The following MRC2 variants were observed in gnomAD, a reference collection of about 807,000 sequenced individuals.
The protein encoded by MRC2 is mannose receptor C-type 2.
Under a neutral mutation model 206.2 loss-of-function variants are expected in MRC2, and 84 were observed. The observed-to-expected ratio is 0.41, with a 90% confidence interval of 0.34 to 0.49. The LOEUF is 0.49. Ranked by LOEUF, MRC2 falls within the 20% of genes least tolerant of loss-of-function variation. The pLI, the probability that MRC2 is intolerant of heterozygous loss-of-function variation, is 0.31. For synonymous variants in MRC2, 798 were observed against 800.0 expected, an observed-to-expected ratio of 1.00 and a Z score of 0.04; for missense variants, 1,676 against 2,001.5, an observed-to-expected ratio of 0.84 and a Z score of 3.10.
At chr17:62,677,532 G>T (rs1268473242) in intron 12 of MRC2, 46 bp downstream of exon 12, 1 of 1,503,380 alleles carries the variant, frequency 6.7e-7, no homozygotes, top group South Asian at 1.3e-5. Context: ...GAGGACAGGA[G>T]CAAAGAGACA....
At chr17:62,674,649 C>T (rs1184025656) in intron 9 of MRC2, among the ~76,000 whole-genome samples, 1 of 152,096 alleles carries the variant, frequency 6.6e-6, no homozygotes, top group Admixed American at 6.5e-5. Flanking sequence ...CACCTTCCCC[C>T]TCCTTGTGTT....
chr17:62,635,147 A>T (rs766202994), intron 1 of MRC2, among the ~76,000 whole-genome samples: 12 of 148,480 alleles, frequency 8.1e-5, no homozygotes, highest in Middle Eastern at 3.5e-3. Context: ...TTTTTTTTTT[A>T]AATTGAAGCA....
chr17:62,666,403 C>T lies in MRC2; in HGVS notation c.695-52C>T. 2 of 1,611,210 alleles carry T rather than the reference C, an allele frequency of 1.2e-6. No individual in the cohort carries two copies. Among genetic ancestry groups the T allele is most frequent in the South Asian group, 1.1e-5 (1 of 90,752 alleles). ...GCCTTTTGGTGGGGGAGGGTCTGCACTCCCGAGGGACCCTGGAGGGGGCCT... is the reference window on the plus strand; with the variant it reads ...GCCTTTTGGTGGGGGAGGGTCTGCATTCCCGAGGGACCCTGGAGGGGGCCT... On this transcript the variant is annotated intron_variant, in intron 3 of 29. Transcript: ENST00000303375. This position sits in a 1 kb window ranked among gnomAD's most constrained non-coding sequence, Gnocchi z 5.0.
intron 6 of MRC2, among the ~76,000 whole-genome samples, chr17:62,669,268 G>A (rs1045069599): frequency 1.3e-5 from 2 of 152,188 alleles, no homozygotes; most frequent in African/African-American, 2.4e-5. Flanking sequence ...AGGCTGGAGT[G>A]TAGTGGTGCG....
intron 1 of MRC2, among the ~76,000 whole-genome samples, chr17:62,637,737 TACCCTCA>T (rs2088342609): frequency 6.6e-6 from 1 of 152,080 alleles, no homozygotes; most frequent in Admixed American, 6.6e-5. Flanking sequence ...ACCTTCTGAT[TACCCTCA>T]GCTGGAAGAA....
rs1424812493 is a variant in MRC2, at chr17:62,680,438, G to A, written c.2458G>A (p.Asp820Asn). Reference sequence around the variant, plus strand: ...CCTAGGTACGGACGTGCGGGAGCCCGACGACAGCCCTCAAGGTGAGCACCC... The same window carrying A: ...CCTAGGTACGGACGTGCGGGAGCCCAACGACAGCCCTCAAGGTGAGCACCC... ...IPRGTDVREP[D>N]DSPQGRREWL... Residue 820 changes from aspartate to asparagine, a missense_variant, in exon 16 of 30, where the codon GAC becomes AAC. Asp to Asn is a conservative substitution (Grantham distance 23, BLOSUM62 1). This residue lies in a region of MRC2 where 1,354 missense variants were observed against 1,636.6 expected (regional missense o/e 0.83). Coordinates refer to ENST00000303375, the MANE Select transcript of MRC2 (RefSeq NM_006039.5). The surrounding 1 kb of genome is among the most constrained non-coding windows in gnomAD (Gnocchi z 4.8). 8.1e-6 allele frequency: 13 copies of A among 1,614,062 alleles called. No homozygotes were observed. Among genetic ancestry groups the A allele is most frequent in the Non-Finnish European group, 1.0e-5 (12 of 1,180,012 alleles).
At chr17:62,646,581 C>T (rs1354887853) in intron 1 of MRC2, among the ~76,000 whole-genome samples, 3 of 152,226 alleles carry the variant, frequency 2.0e-5, no homozygotes, top group Admixed American at 1.3e-4. Flanking sequence ...TGACCTACGT[C>T]AACTTCATGC....
chr17:62,690,047 T>G lies in MRC2; in HGVS notation c.3727T>G (p.Cys1243Gly), dbSNP rs1194378175. 1 of 1,604,462 alleles carries G rather than the reference T, an allele frequency of 6.2e-7. No individual in the cohort carries two copies. Among genetic ancestry groups the G allele is most frequent in the Non-Finnish European group, 8.5e-7 (1 of 1,175,536 alleles). The change falls in exon 25 of 30, where the codon TGT becomes GGT. Residue 1243 changes from cysteine (C) to glycine (G), a missense_variant. Physicochemically the swap from Cys to Gly is radical, Grantham distance 159. Around this residue, in one of 3 missense-constraint regions of MRC2, gnomAD observed 1,354 missense variants for 1,636.6 expected, o/e 0.83. Coordinates refer to ENST00000303375, the MANE Select transcript of MRC2 (RefSeq NM_006039.5). ...SCDTKLQGAVCGVSSGPPPPR... is the reference protein window; with the variant it reads ...SCDTKLQGAVGGVSSGPPPPR... ...TGACACCAAGCTGCAGGGGGCTGTGTGTGGGGTTAGCAGTGGTGAGTGCCC... is the reference window on the plus strand; with the variant it reads ...TGACACCAAGCTGCAGGGGGCTGTGGGTGGGGTTAGCAGTGGTGAGTGCCC...
intron 13 of MRC2, 26 bp from the exon 14 acceptor site, chr17:62,679,774 G>A (rs2147481012): frequency 1.2e-6 from 2 of 1,609,100 alleles, no homozygotes; most frequent in East Asian, 2.2e-5. Flanking sequence ...CATCTCTTCC[G>A]TCCCCACTCC....
At position 62,666,842 on chromosome 17, in the gene MRC2, G is replaced by T; in HGVS notation, c.945G>T (p.Ser315=). The T allele has an allele frequency of 6.2e-7, 1 of 1,613,750 alleles. No individual in the cohort carries two copies. Among genetic ancestry groups the T allele is most frequent in the Non-Finnish European group, 8.5e-7 (1 of 1,179,932 alleles). The part of the protein sequence containing the change: ...TSGGWQWSDN[S]PLKYLNWESD... ...GAGGCTGGCAGTGGTCGGACAACTC[G>T]CCCCTCAAGTACCTCAACTGGGAGA... The change falls in exon 5 of 30, where the codon TCG becomes TCT. Residue 315 remains serine (S), a synonymous_variant. Coordinates refer to ENST00000303375, the MANE Select transcript of MRC2 (RefSeq NM_006039.5). The surrounding 1 kb of genome is among the most constrained non-coding windows in gnomAD (Gnocchi z 5.0).
rs142364747 is a variant in MRC2 at position 62,636,076 on chromosome 17, C to T, written c.118+8156C>T. Among the ~76,000 whole-genome samples the T allele has an allele frequency of 5.2e-3, 793 of 151,820 alleles. 7 individuals carry two copies. The highest frequency in any genetic ancestry group is 0.018 in the African/African-American group (758 of 41,406). Reference sequence around the variant, plus strand: ...TGCTAGGATTACAGGCGTGAGCCACCGCGCCCGGCCAATTTTTTTTTTTTT... The same window carrying T: ...TGCTAGGATTACAGGCGTGAGCCACTGCGCCCGGCCAATTTTTTTTTTTTT... On this transcript the variant is annotated intron_variant, in intron 1 of 29. Coordinates refer to ENST00000303375, the MANE Select transcript of MRC2 (RefSeq NM_006039.5).
At chr17:62,633,693 A>ATG (rs1444674891) in intron 1 of MRC2, among the ~76,000 whole-genome samples, 2 of 141,498 alleles carry the variant, frequency 1.4e-5, no homozygotes, top group African/African-American at 5.2e-5. Flanking sequence ...AAAAAAAAAA[A>ATG]AGCTGGGTGT....
intron 1 of MRC2, among the ~76,000 whole-genome samples, chr17:62,630,918 A>G (rs1487573818): frequency 2.6e-5 from 4 of 151,718 alleles, no homozygotes; most frequent in African/African-American, 9.7e-5. Flanking sequence ...CCTTGCTCCA[A>G]CCCTCTGGCT....
chr17:62,667,026 C>CA lies in MRC2; in HGVS notation c.973+157dup, dbSNP rs1312858748. 6.6e-6 allele frequency among the ~76,000 whole-genome samples: 1 copy of CA among 152,116 alleles called. No homozygotes were observed. The highest frequency in any genetic ancestry group is 1.5e-5 in the Non-Finnish European group (1 of 68,000). On this transcript the variant is annotated intron_variant, in intron 5 of 29. Coordinates refer to ENST00000303375, the MANE Select transcript of MRC2 (RefSeq NM_006039.5). This position sits in a 1 kb window ranked among gnomAD's most constrained non-coding sequence, Gnocchi z 4.1. ...CTCCCCAGACTGCGCCCCCCTAGCC[C>CA]ATGTAGGGCGGCGCTGCCCCAGGCC...
rs1344939588 is a variant in MRC2, at chr17:62,692,349, C to A, written c.4338C>A (p.Ala1446=). The change falls in exon 30 of 30, where the codon GCC becomes GCA. Residue 1446 remains alanine (A), a synonymous_variant. Coordinates refer to ENST00000303375, the MANE Select transcript of MRC2 (RefSeq NM_006039.5). This position sits in a 1 kb window ranked among gnomAD's most constrained non-coding sequence, Gnocchi z 4.2. ...YRRRQSIERG[A]FEGARYSRSS... is the part of the protein sequence containing the mutation. ...GGCGCCAGAGCATCGAGCGCGGGGC[C>A]TTTGAGGGTGCCCGCTACAGCCGCA... The A allele has an allele frequency of 6.3e-7, 1 of 1,575,364 alleles. No homozygotes were observed. Among genetic ancestry groups the A allele is most frequent in the African/African-American group, 1.3e-5 (1 of 74,462 alleles).
chr17:62,673,346 C>T (rs1313355411), intron 8 of MRC2, among the ~76,000 whole-genome samples: 1 of 152,154 alleles, frequency 6.6e-6, no homozygotes, highest in Non-Finnish European at 1.5e-5. Context: ...AGATTCTGGT[C>T]TGGGCACACT....
At position 62,680,700 on chromosome 17, in the gene MRC2, C is replaced by A; in HGVS notation, c.2474-100C>A. The stretch of plus-strand genomic sequence containing the variant: ...TCCGGTGTGCCTGCAGGCTCGCCTG[C>A]TGCCGCCTGGCTCTGCCCCGGCCCT... On this transcript the variant is annotated intron_variant, in intron 16 of 29. Transcript: ENST00000303375. This position sits in a 1 kb window ranked among gnomAD's most constrained non-coding sequence, Gnocchi z 4.8. 1 of 1,369,370 alleles carries A rather than the reference C, an allele frequency of 7.3e-7. No individual in the cohort carries two copies. The highest frequency in any genetic ancestry group is 9.5e-7 in the Non-Finnish European group (1 of 1,054,588). 84.8% of individuals were successfully genotyped at this position (1,369,370 alleles called of 1,614,324 possible).
At chr17:62,660,962 T>A (rs2147459553) in intron 1 of MRC2, among the ~76,000 whole-genome samples, 1 of 152,338 alleles carries the variant, frequency 6.6e-6, no homozygotes, top group African/African-American at 2.4e-5. Context: ...AAGAGCATTA[T>A]AATCAAGTGA....
At chr17:62,656,744 A>G (rs2088623971) in intron 1 of MRC2, among the ~76,000 whole-genome samples, 1 of 152,146 alleles carries the variant, frequency 6.6e-6, no homozygotes, top group African/African-American at 2.4e-5. Flanking sequence ...CAATGCAGAC[A>G]AGCTAATTAA....
Sources: gnomAD v4.1 joint callset for allele counts (sites outside exome capture counted in the v4.1 genomes callset) on GRCh38, gnomAD v4.1.1 for gene constraint, gnomAD v4.1.1 regional missense constraint, Gnocchi (gnomAD v3.1) non-coding constraint, MANE v1.5 for transcripts, NCBI Gene and HGNC (gene_info 2026-07-23, HGNC 2026-07-21) for gene names.